AFF2: variants seen among roughly 807,000 people sequenced by gnomAD.
The protein encoded by AFF2 is ALF transcription elongation factor 2.
In AFF2, 14 loss-of-function variants were observed where a neutral mutation model predicts 76.9. The ratio of observed to expected loss-of-function variants is 0.18; its 90% CI spans 0.12 to 0.28. The LOEUF (loss-of-function observed/expected upper bound fraction) is 0.28, where lower values mean the gene tolerates loss of function less well. Ranked by LOEUF, AFF2 falls within the 10% of genes least tolerant of loss-of-function variation. The probability of loss-of-function intolerance (pLI) is 1.00; values close to 1 mark genes in which losing one functional copy is unlikely to be tolerated. For missense variants in AFF2, 868 were observed against 1,001.1 expected (o/e 0.87, Z 1.79); for synonymous variants, 398 against 366.7 (o/e 1.09, Z -0.98).
intron 3 of AFF2, among the ~76,000 whole-genome samples, chrX:148,709,381 G>A (rs1210216426): frequency 9.0e-6 from 1 of 111,500 alleles, no homozygotes. Context: ...TGGAACAGTC[G>A]TTGGCACACA....
At chrX:148,952,855 A>G (rs1557286781) in intron 9 of AFF2, among the ~76,000 whole-genome samples, 2 of 111,790 alleles carry the variant, frequency 1.8e-5, no homozygotes, top group Non-Finnish European at 1.9e-5. Flanking sequence ...GAGGAGGCCT[A>G]GAAGTGTGTT....
intron 3 of AFF2, chrX:148,719,263 A>G: frequency 2.8e-6 from 3 of 1,069,432 alleles, no homozygotes; most frequent in Non-Finnish European, 3.8e-6. Flanking sequence ...TAGAAGGTCT[A>G]CAATCAGCCA....
intron 1 of AFF2, among the ~76,000 whole-genome samples, chrX:148,544,810 C>T (rs782643750): frequency 2.7e-5 from 3 of 111,641 alleles, no homozygotes; most frequent in Non-Finnish European, 5.6e-5. Context: ...TTACGATCAC[C>T]ACAGTCATGA....
intron 9 of AFF2, among the ~76,000 whole-genome samples, chrX:148,913,080 G>T (rs2071489539): frequency 8.9e-6 from 1 of 112,921 alleles, no homozygotes; most frequent in South Asian, 3.6e-4. Context: ...GATGCAACAG[G>T]TTCCAGCAAT....
chrX:148,513,255 A>G (rs1448347678), intron 1 of AFF2, among the ~76,000 whole-genome samples: 2 of 111,932 alleles, frequency 1.8e-5, no homozygotes, highest in African/African-American at 3.2e-5. Flanking sequence ...ACTCCAAACC[A>G]TCATCTCCCT....
chrX:148,773,096 AT>A (rs1383375934), intron 3 of AFF2, among the ~76,000 whole-genome samples: 7 of 111,431 alleles, frequency 6.3e-5, no homozygotes, highest in African/African-American at 2.0e-4. Flanking sequence ...AAGTAAAAAA[AT>A]AAAACAAAAA....
chrX:148,929,686 C>T (rs1311519690), intron 9 of AFF2, among the ~76,000 whole-genome samples: 1 of 111,920 alleles, frequency 8.9e-6, no homozygotes, highest in African/African-American at 3.3e-5. Context: ...ACTCACTAGT[C>T]GTAGCTTAGC....
At chrX:148,559,653 C>T (rs2053088688) in intron 1 of AFF2, among the ~76,000 whole-genome samples, 2 of 111,822 alleles carry the variant, frequency 1.8e-5, no homozygotes, top group Non-Finnish European at 3.8e-5. Flanking sequence ...ATATGTGCCA[C>T]ATTTTCTTTA....
At chrX:148,710,206 A>G (rs781981350) in intron 3 of AFF2, among the ~76,000 whole-genome samples, 6 of 112,021 alleles carry the variant, frequency 5.4e-5, no homozygotes, top group Admixed American at 1.9e-4. Flanking sequence ...TTCTCATTGC[A>G]TAACTGACTT....
At chrX:148,581,990 C>T (rs144392436) in intron 1 of AFF2, among the ~76,000 whole-genome samples, 401 of 111,909 alleles carry the variant, frequency 3.6e-3, no homozygotes, top group Non-Finnish European at 4.9e-3. Flanking sequence ...GGACGTTCCT[C>T]GCTCTGTCTT....
intron 1 of AFF2, among the ~76,000 whole-genome samples, chrX:148,504,002 A>G (rs1557232182): frequency 8.9e-6 from 1 of 112,209 alleles, no homozygotes; most frequent in Non-Finnish European, 1.9e-5. Flanking sequence ...TGCATGAAAG[A>G]CATCACTTGC....
intron 3 of AFF2, among the ~76,000 whole-genome samples, chrX:148,774,440 C>A (rs1557268380): frequency 9.0e-6 from 1 of 111,423 alleles, no homozygotes; most frequent in African/African-American, 3.3e-5. Context: ...TAGATTCATA[C>A]TGGTTTCCTG....
intron 3 of AFF2, among the ~76,000 whole-genome samples, chrX:148,741,322 G>A (rs901929540): frequency 1.1e-4 from 12 of 110,754 alleles, no homozygotes; most frequent in Non-Finnish European, 1.9e-5. Context: ...TGACTGCTGT[G>A]GGGGATGGGG....
At chrX:148,967,154 C>A (rs1243731817) in intron 14 of AFF2, 75 bp downstream of exon 14, 6 of 1,170,198 alleles carry the variant, frequency 5.1e-6, no homozygotes, top group Non-Finnish European at 6.8e-6. Context: ...TTTTCTAGTG[C>A]TGTGCATGTG....
intron 1 of AFF2, among the ~76,000 whole-genome samples, chrX:148,626,304 T>C (rs1208104458): frequency 9.1e-6 from 1 of 110,130 alleles, no homozygotes; most frequent in Middle Eastern, 4.2e-3. Context: ...CATTTTACTC[T>C]CCTGGTGCGA....
At chrX:148,625,636 A>C (rs782116004) in intron 1 of AFF2, among the ~76,000 whole-genome samples, 10 of 111,208 alleles carry the variant, frequency 9.0e-5, no homozygotes, top group Non-Finnish European at 1.7e-4. Flanking sequence ...TCATTTCTCT[A>C]GTCTTATTAA....
intron 1 of AFF2, among the ~76,000 whole-genome samples, chrX:148,566,198 C>CA (rs2053168869): frequency 9.0e-6 from 1 of 110,747 alleles, no homozygotes; most frequent in African/African-American, 3.3e-5. Flanking sequence ...CTATTTTGCC[C>CA]AAGTCTGTCA....
chrX:148,724,400 T>C (rs1216002280), intron 3 of AFF2, among the ~76,000 whole-genome samples: 3 of 111,481 alleles, frequency 2.7e-5, no homozygotes, highest in African/African-American at 9.8e-5. Context: ...CCAACAATGA[T>C]ACCTTGGCAT....
chrX:148,546,090 C>T (rs1569551063), intron 1 of AFF2, among the ~76,000 whole-genome samples: 1 of 111,885 alleles, frequency 8.9e-6, no homozygotes, highest in Non-Finnish European at 1.9e-5. Context: ...TAAAAAATGA[C>T]ATCACTATTA....
Sources: gnomAD v4.1 joint callset for allele counts (sites outside exome capture counted in the v4.1 genomes callset) on GRCh38, gnomAD v4.1.1 for gene constraint, MANE v1.5 for transcripts, NCBI Gene and HGNC (gene_info 2026-07-23, HGNC 2026-07-21) for gene names.